Variants in ZNF41 observed in about 807,000 individuals in gnomAD.
ZNF41 encodes the protein zinc finger protein 41.
A neutral mutation model predicts 9.3 loss-of-function variants in ZNF41; 6 were observed. The ratio of observed to expected loss-of-function variants is 0.65; its 90% CI spans 0.35 to 1.28. The LOEUF (loss-of-function observed/expected upper bound fraction) is 1.28, where lower values mean the gene tolerates loss of function less well. Ranked by LOEUF, ZNF41 falls within the 50% of genes most tolerant of loss-of-function variation. ZNF41 has a pLI of 0.03. For synonymous variants in ZNF41, 192 were observed against 207.1 expected (o/e 0.93, Z 0.63); for missense variants, 523 against 585.8 (o/e 0.89, Z 1.11).
At chrX:47,462,549 G>T (rs950076354) in intron 2 of ZNF41, among the ~76,000 whole-genome samples, 11 of 110,516 alleles carry the variant, frequency 1.0e-4, no homozygotes, top group African/African-American at 3.6e-4. Context: ...GCTGATCCTT[G>T]TTCTGTGGCA....
At chrX:47,461,812 A>G (rs1473273522) in intron 2 of ZNF41, among the ~76,000 whole-genome samples, 1 of 111,168 alleles carries the variant, frequency 9.0e-6, no homozygotes, top group South Asian at 3.8e-4. Flanking sequence ...GGCTCAAGGG[A>G]TCCTTCCCGC....
Position 47,462,253 on chromosome X carries a change from G to A in ZNF41, c.72+5157C>T, listed in dbSNP as rs1329082981. Among the ~76,000 whole-genome samples, 6 of 110,758 alleles carry A rather than the reference G, an allele frequency of 5.4e-5. No homozygotes were observed. In the East Asian group the frequency reaches 1.4e-3, roughly 26 times the overall value. On this transcript the variant is annotated intron_variant, in intron 2 of 4. Coordinates refer to ENST00000684689, the MANE Select transcript of ZNF41 (RefSeq NM_001324144.2). ...CTGTTCCCCGGGACTGTTCTCTGTG[G>A]CCCTGCAACTGCTCTTCCCTCCCTC...
At chrX:47,463,521 A>G (rs777779397) in intron 2 of ZNF41, among the ~76,000 whole-genome samples, 2 of 111,252 alleles carry the variant, frequency 1.8e-5, no homozygotes, top group South Asian at 7.5e-4. Flanking sequence ...AACTCGCTTC[A>G]GTTATACCAT....
chrX:47,477,981 G>T (rs1384882616), intron 1 of ZNF41, among the ~76,000 whole-genome samples: 1 of 112,600 alleles, frequency 8.9e-6, no homozygotes, highest in Admixed American at 9.4e-5. Flanking sequence ...TAAACAAAAT[G>T]TGGTGTATCC....
chrX:47,480,008 T>C (rs912884549), intron 1 of ZNF41, among the ~76,000 whole-genome samples: 17 of 110,209 alleles, frequency 1.5e-4, no homozygotes, highest in African/African-American at 3.6e-4. Context: ...GGCAGGAGAA[T>C]TGTTTGAACC....
At chrX:47,458,099 C>A (rs1340373932) in intron 2 of ZNF41, among the ~76,000 whole-genome samples, 1 of 110,629 alleles carries the variant, frequency 9.0e-6, no homozygotes, top group Non-Finnish European at 1.9e-5. Context: ...AGCTTTTGGG[C>A]TATTATAGAG....
intron 1 of ZNF41, among the ~76,000 whole-genome samples, chrX:47,472,973 G>A (rs776099639): frequency 1.8e-5 from 2 of 109,579 alleles, no homozygotes; most frequent in African/African-American, 6.6e-5. Flanking sequence ...CGTCTGCCTC[G>A]GCCCCCCAAA....
intron 2 of ZNF41, among the ~76,000 whole-genome samples, chrX:47,465,394 C>T (rs4824617): frequency 0.047 from 5,262 of 111,421 alleles, 171 homozygotes; most frequent in Admixed American, 0.12. Context: ...AATGTTATTT[C>T]AAAATTGCAA....
Position 47,460,576 on chromosome X carries a change from C to T in ZNF41, c.73-4178G>A, listed in dbSNP as rs528575954. Among the ~76,000 whole-genome samples the T allele has an allele frequency of 9.9e-5, 11 of 111,593 alleles. No homozygotes were observed. In the South Asian group the frequency reaches 4.1e-3, roughly 42 times the overall value. The stretch of plus-strand genomic sequence containing the variant: ...TACAAACCAATAAGAAAAAAAGAGA[C>T]CACCTAGTAGAAAAATGGGTGAAGC... On this transcript the variant is annotated intron_variant, in intron 2 of 4. Transcript: ENST00000684689.
At position 47,447,415 on chromosome X, in the gene ZNF41, C is replaced by T. The variant is rs187852609; in HGVS notation, c.*15G>A. ...CTGATGCATACCCAGTTGTGATTTCCAGGTGAAGACTTTCTCAGTCACTGG... is the reference window on the plus strand; with the variant it reads ...CTGATGCATACCCAGTTGTGATTTCTAGGTGAAGACTTTCTCAGTCACTGG... On this transcript the variant is annotated 3_prime_UTR_variant, in exon 5 of 5. Coordinates refer to ENST00000684689, the MANE Select transcript of ZNF41 (RefSeq NM_001324144.2). The T allele has an allele frequency of 5.0e-6, 6 of 1,207,780 alleles. No homozygotes were observed. The Admixed American group carries it at 1.3e-4, about 26-fold the overall frequency.
At chrX:47,473,131 G>A (rs900542219) in intron 1 of ZNF41, among the ~76,000 whole-genome samples, 1 of 108,598 alleles carries the variant, frequency 9.2e-6, no homozygotes, top group South Asian at 4.0e-4. Flanking sequence ...TCAAGTAATC[G>A]TCCTGCCTCA....
chrX:47,448,662 G>T lies in ZNF41; in HGVS notation c.1108C>A (p.Leu370Ile). 3.3e-6 allele frequency: 4 copies of T among 1,211,592 alleles called. No homozygotes were observed. Among genetic ancestry groups the T allele is most frequent in the Non-Finnish European group, 4.5e-6 (4 of 895,485 alleles). The change falls in exon 5 of 5, where the codon CTC (leucine) becomes ATC (isoleucine). Residue 370 changes from leucine (L) to isoleucine (I), a missense_variant. Physicochemically the swap from Leu to Ile is conservative, Grantham distance 5. Transcript: ENST00000684689. Reference sequence around the variant, plus strand: ...GTATGAATTCTCAGATGTCTAAAGAGGTCTGATCTCTGGAAAAAGGCTTTT... The same window carrying T: ...GTATGAATTCTCAGATGTCTAAAGATGTCTGATCTCTGGAAAAAGGCTTTT... ...CGKAFFQRSD[L>I]FRHLRIHTGE...
At chrX:47,478,850 C>A (rs761226231) in intron 1 of ZNF41, among the ~76,000 whole-genome samples, 2 of 110,561 alleles carry the variant, frequency 1.8e-5, no homozygotes, top group East Asian at 5.7e-4. Flanking sequence ...GGGAGAATTG[C>A]TTGAACCCAG....
chrX:47,458,465 C>T (rs2056653500), intron 2 of ZNF41, among the ~76,000 whole-genome samples: 1 of 111,140 alleles, frequency 9.0e-6, no homozygotes, highest in African/African-American at 3.3e-5. Flanking sequence ...GAAATAAAGA[C>T]ATTATAAAAA....
chrX:47,461,876 T>C (rs1377906193), intron 2 of ZNF41, among the ~76,000 whole-genome samples: 2 of 107,302 alleles, frequency 1.9e-5, no homozygotes, highest in Non-Finnish European at 3.9e-5. Context: ...GCCCAGCTAA[T>C]TTTTAAATTT....
chrX:47,479,871 C>T lies in ZNF41; in HGVS notation c.-280+3224G>A, dbSNP rs1270837329. Among the ~76,000 whole-genome samples the T allele has an allele frequency of 3.6e-5, 4 of 111,541 alleles. No individual in the cohort carries two copies. In the Admixed American group the frequency reaches 3.8e-4, roughly 11 times the overall value. On this transcript the variant is annotated intron_variant, in intron 1 of 4. Coordinates refer to ENST00000684689, the MANE Select transcript of ZNF41 (RefSeq NM_001324144.2). ...CAGCACTTTGGGAGGCCGAGGCACG[C>T]AGATCACGAGGTCAGGAGTTTGAGA...
intron 2 of ZNF41, among the ~76,000 whole-genome samples, chrX:47,458,252 C>T (rs749364606): frequency 5.7e-4 from 63 of 111,441 alleles, no homozygotes; most frequent in African/African-American, 1.5e-3. Flanking sequence ...AGTAATAAGA[C>T]GAAACTTTTC....
Position 47,467,730 on chromosome X carries a change from G to A in ZNF41, c.-249C>T. The A allele has an allele frequency of 2.4e-6, 1 of 424,143 alleles. No individual in the cohort carries two copies. Among genetic ancestry groups the A allele is most frequent in the Non-Finnish European group, 4.1e-6 (1 of 242,920 alleles). The allele number at this position is 424,143 out of a possible 1,213,427, so 35.0% of individuals were successfully genotyped here. A position where few individuals can be genotyped will look rare whatever the true frequency, so the allele number is the denominator to read the frequency against. ...CGTTCACTCACAAATGTTTTCTGGT[G>A]GTGCCCAGGGGCCGCTCACTGTGCT... is the stretch of plus-strand genomic sequence containing the variant. On this transcript the variant is annotated 5_prime_UTR_variant, in exon 2 of 5. Transcript: ENST00000684689.
chrX:47,471,529 C>T lies in ZNF41; in HGVS notation c.-279-3769G>A, dbSNP rs1470509942. ...CTCCTTGTGATCATATATGTGGGGG[C>T]CATTCCTGAACTCTGTATTTCCATT... On this transcript the variant is annotated intron_variant, in intron 1 of 4. Coordinates refer to ENST00000684689, the MANE Select transcript of ZNF41 (RefSeq NM_001324144.2). Among the ~76,000 whole-genome samples the T allele has an allele frequency of 4.5e-5, 5 of 110,493 alleles. No homozygotes were observed. The South Asian group carries it at 1.9e-3, about 42-fold the overall frequency.
Sources: allele counts gnomAD v4.1 joint callset (sites outside exome capture counted in the v4.1 genomes callset), GRCh38; gene constraint gnomAD v4.1.1; transcripts MANE v1.5; gene names NCBI Gene and HGNC (gene_info 2026-07-23, HGNC 2026-07-21).